COL23A1: variants seen among roughly 807,000 people sequenced by gnomAD.
The protein encoded by COL23A1 is collagen type XXIII alpha 1 chain.
Under a neutral mutation model 99.3 loss-of-function variants are expected in COL23A1, and 97 were observed. The observed-to-expected ratio is 0.98, with a 90% CI of 0.83 to 1.16. The LOEUF (loss-of-function observed/expected upper bound fraction) is 1.16. COL23A1 is among the 50% of genes most tolerant of loss of function. The pLI, the probability that COL23A1 is intolerant of heterozygous loss-of-function variation, is 0.00. For synonymous variants in COL23A1, 320 were observed against 308.2 expected, an observed-to-expected ratio of 1.04 and a Z score of -0.40; for missense variants, 762 against 757.4, an observed-to-expected ratio of 1.01 and a Z score of -0.07.
At chr5:178,290,250 T>C (rs1217281083) in intron 4 of COL23A1, 112 bp downstream of exon 4, 2 of 1,486,154 alleles carry the variant, frequency 1.3e-6, no homozygotes, top group Non-Finnish European at 9.4e-7. Context: ...ATAGGACTGA[T>C]GTTTTCTGAG....
intron 19 of COL23A1, 134 bp downstream of exon 19, chr5:178,248,983 C>T: frequency 1.2e-6 from 1 of 818,738 alleles, no homozygotes; most frequent in Non-Finnish European, 2.1e-6. Flanking sequence ...CTAGAGTGTC[C>T]CCGGCCGGCT....
chr5:178,375,712 CTTTT>C (rs1355929699), intron 2 of COL23A1, among the ~76,000 whole-genome samples: 22 of 151,592 alleles, frequency 1.5e-4, no homozygotes, highest in Admixed American at 1.2e-3. Context: ...TTCTTTCTTT[CTTTT>C]TTCTTTTTTG....
At chr5:178,275,512 T>C (rs1465617704) in intron 5 of COL23A1, among the ~76,000 whole-genome samples, 1 of 152,120 alleles carries the variant, frequency 6.6e-6, no homozygotes, top group Non-Finnish European at 1.5e-5. Context: ...ATAAAGTTAA[T>C]TAGGGAAGAA....
At position 178,309,106 on chromosome 5, in the gene COL23A1, C is replaced by T. The variant is rs759558836; in HGVS notation, c.362-2187G>A. Among the ~76,000 whole-genome samples, 12 of 152,236 alleles carry T rather than the reference C, an allele frequency of 7.9e-5. No homozygotes were observed. Among genetic ancestry groups the T allele is most frequent in the Non-Finnish European group, 1.5e-4 (10 of 68,032 alleles). ...CTGCTAGATCCGAAGCAATGCAGCA[C>T]TGTGCTTTCCTGATGGGAATCACTG... On this transcript the variant is annotated intron_variant, in intron 2 of 28. Transcript: ENST00000390654. The surrounding 1 kb of genome is among the most constrained non-coding windows in gnomAD (Gnocchi z 4.7).
At chr5:178,518,522 A>AG (rs1210092974) in intron 2 of COL23A1, among the ~76,000 whole-genome samples, 1 of 149,146 alleles carries the variant, frequency 6.7e-6, no homozygotes, top group Non-Finnish European at 1.5e-5. Flanking sequence ...GGCCGGGCAG[A>AG]GGGGCTCCTC....
At chr5:178,581,265 T>C (rs1763645443) in intron 1 of COL23A1, among the ~76,000 whole-genome samples, 1 of 152,186 alleles carries the variant, frequency 6.6e-6, no homozygotes, top group Non-Finnish European at 1.5e-5. Context: ...CAAACTCAGA[T>C]GTTCTAAAAT....
At chr5:178,529,728 C>T (rs1336619910) in intron 2 of COL23A1, among the ~76,000 whole-genome samples, 2 of 152,150 alleles carry the variant, frequency 1.3e-5, no homozygotes, top group African/African-American at 4.8e-5. Context: ...AGGCCTCTGT[C>T]TCCCCAGCGA....
intron 2 of COL23A1, among the ~76,000 whole-genome samples, chr5:178,447,503 T>C (rs1293012730): frequency 2.0e-5 from 3 of 152,234 alleles, no homozygotes; most frequent in Admixed American, 2.0e-4. Flanking sequence ...TGTGTTTAGA[T>C]ATACACATAC....
chr5:178,516,476 T>C (rs1759523142), intron 2 of COL23A1, among the ~76,000 whole-genome samples: 1 of 152,208 alleles, frequency 6.6e-6, no homozygotes, highest in South Asian at 2.1e-4. Flanking sequence ...TGAGCACCGG[T>C]GTGCCTCCTC....
At chr5:178,262,097 C>T (rs544861644) in intron 10 of COL23A1, 120 bp downstream of exon 10, 37 of 1,082,536 alleles carry the variant, frequency 3.4e-5, no homozygotes, top group African/African-American at 9.6e-5. Flanking sequence ...TGCAGAGGCG[C>T]GCGCACACAC....
At chr5:178,246,359 C>T in intron 23 of COL23A1, 32 bp downstream of exon 23, 1 of 1,566,748 alleles carries the variant, frequency 6.4e-7, no homozygotes, top group South Asian at 1.2e-5. Context: ...GGAATTAACA[C>T]CTTTGGGACA....
At chr5:178,552,175 C>T (rs1208154999) in intron 2 of COL23A1, among the ~76,000 whole-genome samples, 12 of 152,156 alleles carry the variant, frequency 7.9e-5, no homozygotes, top group Admixed American at 3.9e-4. Context: ...TCCTATTCTC[C>T]GCATCTGTTA....
Position 178,291,955 on chromosome 5 carries a change from T to C in COL23A1, c.407-1586A>G, listed in dbSNP as rs565313719. On this transcript the variant is annotated intron_variant, in intron 3 of 28. Coordinates refer to ENST00000390654, the MANE Select transcript of COL23A1 (RefSeq NM_173465.4). ...AGATGCTGGCAGCTTGGACATCCCATTGAGCTGACTCCTCACTGTCAGCCA... is the reference window on the plus strand; with the variant it reads ...AGATGCTGGCAGCTTGGACATCCCACTGAGCTGACTCCTCACTGTCAGCCA... 3.3e-5 allele frequency among the ~76,000 whole-genome samples: 5 copies of C among 152,258 alleles called. No individual in the cohort carries two copies. In the East Asian group the frequency reaches 5.8e-4, roughly 18 times the overall value.
chr5:178,247,953 G>A lies in COL23A1; in HGVS notation c.1213-122C>T, dbSNP rs745500999. The A allele has an allele frequency of 3.4e-6, 3 of 891,486 alleles. No homozygotes were observed. The East Asian group carries it at 7.9e-5, about 23-fold the overall frequency. The allele number at this position is 891,486 out of a possible 1,614,324, so 55.2% of individuals were successfully genotyped here. A position where few individuals can be genotyped will look rare whatever the true frequency, so the allele number is the denominator to read the frequency against. Reference sequence around the variant, plus strand: ...TCCTGCCCCCCAGAGGGCAGAGTCTGGTGAGCAGGTGGCAGCTGGTCTGCG... The same window carrying A: ...TCCTGCCCCCCAGAGGGCAGAGTCTAGTGAGCAGGTGGCAGCTGGTCTGCG... On this transcript the variant is annotated intron_variant, in intron 20 of 28. Transcript: ENST00000390654.
intron 2 of COL23A1, among the ~76,000 whole-genome samples, chr5:178,442,294 A>G (rs1223697164): frequency 1.3e-5 from 2 of 152,150 alleles, no homozygotes; most frequent in Non-Finnish European, 2.9e-5. Flanking sequence ...GTTTGCTGGT[A>G]ATTCCATGAG....
At chr5:178,531,338 G>A (rs1760637027) in intron 2 of COL23A1, among the ~76,000 whole-genome samples, 1 of 152,234 alleles carries the variant, frequency 6.6e-6, no homozygotes, top group Non-Finnish European at 1.5e-5. Flanking sequence ...CCAGTGTGGG[G>A]TGGGAACCCA....
chr5:178,462,715 C>T (rs888311001), intron 2 of COL23A1, among the ~76,000 whole-genome samples: 3 of 152,162 alleles, frequency 2.0e-5, no homozygotes, highest in African/African-American at 4.8e-5. Context: ...CAAAACCTTC[C>T]GGGATTTAAC....
chr5:178,288,878 C>T (rs905091578), intron 4 of COL23A1, among the ~76,000 whole-genome samples: 1 of 152,234 alleles, frequency 6.6e-6, no homozygotes, highest in African/African-American at 2.4e-5. Context: ...CTGTGTTCCA[C>T]ACTTGGGCAC....
chr5:178,493,525 A>G (rs1758043674), intron 2 of COL23A1, among the ~76,000 whole-genome samples: 1 of 152,212 alleles, frequency 6.6e-6, no homozygotes, highest in South Asian at 2.1e-4. Context: ...TACTCTGCAC[A>G]TGACACTCAC....
Sources: gnomAD v4.1 joint callset for allele counts (sites outside exome capture counted in the v4.1 genomes callset) on GRCh38, gnomAD v4.1.1 for gene constraint, Gnocchi (gnomAD v3.1) non-coding constraint, MANE v1.5 for transcripts, NCBI Gene and HGNC (gene_info 2026-07-23, HGNC 2026-07-21) for gene names.